Variants in ANKEF1 observed in about 807,000 individuals in gnomAD.
The protein encoded by ANKEF1 is ankyrin repeat and EF-hand domain containing 1, also known as ankyrin repeat and EF-hand domain-containing protein 1.
In ANKEF1, 43 loss-of-function variants were observed where a neutral mutation model predicts 65.1. That is an observed-to-expected ratio of 0.66 (90% CI 0.52 to 0.85). The LOEUF (loss-of-function observed/expected upper bound fraction) is 0.85. Ranked by LOEUF, ANKEF1 falls within the 40% of genes least tolerant of loss-of-function variation. ANKEF1 has a pLI of 0.00. For synonymous variants in ANKEF1, 316 were observed against 341.5 expected, an observed-to-expected ratio of 0.93 and a Z score of 0.82; for missense variants, 934 against 952.9, an observed-to-expected ratio of 0.98 and a Z score of 0.26.
Position 10,049,574 on chromosome 20 carries a change from A to G in ANKEF1, c.1005A>G (p.Glu335=). 1 of 1,614,124 alleles carries G rather than the reference A, an allele frequency of 6.2e-7. No homozygotes were observed. The highest frequency in any genetic ancestry group is 8.5e-7 in the Non-Finnish European group (1 of 1,180,012). Residue 335 remains glutamate, a synonymous_variant, in exon 7 of 11, where the codon GAA becomes GAG. Transcript: ENST00000378392. The stretch of plus-strand genomic sequence containing the variant: ...TTAGACTGCACGATTGGTCCGTAGA[A>G]CGTGAGGCTTTCCTCCGGGAAGCCT... ...WALRLHDWSV[E]REAFLREAFA...
Position 10,038,292 on chromosome 20 carries a change from C to T in ANKEF1, c.-10C>T. 1 of 1,439,220 alleles carries T rather than the reference C, an allele frequency of 6.9e-7. No homozygotes were observed. The highest frequency in any genetic ancestry group is 9.2e-7 in the Non-Finnish European group (1 of 1,086,168). 89.2% of individuals were successfully genotyped at this position (1,439,220 alleles called of 1,614,324 possible). ...TGGTCCAGAAAGCATTTTCAAGGAG[C>T]TGGTCAAGCATGGCTTTAGCAGATA... On this transcript the variant is annotated 5_prime_UTR_variant, in exon 3 of 11. Coordinates refer to ENST00000378392, the MANE Select transcript of ANKEF1 (RefSeq NM_022096.6).
intron 2 of ANKEF1, among the ~76,000 whole-genome samples, chr20:10,037,308 ACTCT>A (rs1317832905): frequency 6.6e-6 from 1 of 151,910 alleles, no homozygotes; most frequent in Non-Finnish European, 1.5e-5. Flanking sequence ...CCAAGCATGG[ACTCT>A]CTCTGTGGCA....
chr20:10,043,752 A>G (rs1048331930), intron 4 of ANKEF1, among the ~76,000 whole-genome samples: 2 of 140,210 alleles, frequency 1.4e-5, no homozygotes, highest in Admixed American at 1.6e-4. Context: ...TCTGCCTCTC[A>G]GGTTCAAGCA....
At chr20:10,054,708 T>C in intron 10 of ANKEF1, 109 bp downstream of exon 10, 1 of 1,151,262 alleles carries the variant, frequency 8.7e-7, no homozygotes. Flanking sequence ...TTGTCTTTCA[T>C]AGTTACTACT....
chr20:10,050,361 CAATT>C (rs1489118707), intron 7 of ANKEF1, 149 bp downstream of exon 7: 11 of 589,148 alleles, frequency 1.9e-5, no homozygotes, highest in East Asian at 8.8e-5. Flanking sequence ...CTTTTATTAA[CAATT>C]AACTTATAGG....
intron 3 of ANKEF1, among the ~76,000 whole-genome samples, chr20:10,039,856 T>A (rs1011402252): frequency 6.6e-6 from 1 of 152,244 alleles, no homozygotes; most frequent in East Asian, 1.9e-4. Context: ...TAATTTTTTT[T>A]AATGACATCT....
At chr20:10,052,532 ACCAT>A (rs1360385098) in intron 8 of ANKEF1, among the ~76,000 whole-genome samples, 1 of 152,202 alleles carries the variant, frequency 6.6e-6, no homozygotes, top group Non-Finnish European at 1.5e-5. Flanking sequence ...GTTTGGAAGT[ACCAT>A]TTTCCTACAT....
chr20:10,041,188 A>G (rs1247294481), intron 3 of ANKEF1, among the ~76,000 whole-genome samples: 1 of 151,880 alleles, frequency 6.6e-6, no homozygotes, highest in Non-Finnish European at 1.5e-5. Flanking sequence ...AAGTATTGTC[A>G]TATATGGTCC....
At chr20:10,054,903 C>CT (rs1985059419) in intron 10 of ANKEF1, among the ~76,000 whole-genome samples, 2 of 152,038 alleles carry the variant, frequency 1.3e-5, no homozygotes, top group East Asian at 1.9e-4. Flanking sequence ...CCTAAGGATA[C>CT]TTTTTTTTGG....
chr20:10,037,027 G>A (rs1214051317), intron 2 of ANKEF1, among the ~76,000 whole-genome samples: 1 of 152,124 alleles, frequency 6.6e-6, no homozygotes, highest in Non-Finnish European at 1.5e-5. Flanking sequence ...GTGGTGCCTA[G>A]AGAGACACAT....
At position 10,038,483 on chromosome 20, in the gene ANKEF1, T is replaced by G; in HGVS notation, c.182T>G (p.Ile61Ser). 7 of 1,614,220 alleles carry G rather than the reference T, an allele frequency of 4.3e-6. No homozygotes were observed. Among genetic ancestry groups the G allele is most frequent in the Non-Finnish European group, 5.9e-6 (7 of 1,180,042 alleles). ...CACTTAGCCTCAGTTTCCAATGATA[T>G]TGATATGGTCAGCTTTCTCCTTGAC... Reference protein sequence around the residue: ...ALHLASVSNDIDMVSFLLDLG... With the variant: ...ALHLASVSNDSDMVSFLLDLG... The change falls in exon 3 of 11, where the codon ATT becomes AGT. Residue 61 changes from isoleucine to serine, a missense_variant. Physicochemically the swap from Ile to Ser is moderately radical, Grantham distance 142 (BLOSUM62 -2). Coordinates refer to ENST00000378392, the MANE Select transcript of ANKEF1 (RefSeq NM_022096.6).
chr20:10,047,597 T>C (rs117138633), intron 6 of ANKEF1, among the ~76,000 whole-genome samples: 288 of 152,304 alleles, frequency 1.9e-3, no homozygotes, highest in Middle Eastern at 6.8e-3. Flanking sequence ...GCTGGAGCAA[T>C]TGGCAACTCC....
At position 10,058,006 on chromosome 20, in the gene ANKEF1, G is replaced by A. The variant is rs1338491836; in HGVS notation, c.*2346G>A. 7.2e-5 allele frequency: 11 copies of A among 152,234 alleles called. No homozygotes were observed. Among genetic ancestry groups the A allele is most frequent in the Admixed American group, 3.9e-4 (6 of 15,278 alleles). The allele number at this position is 152,234 out of a possible 1,614,324, so 9.4% of individuals were successfully genotyped here. Reference sequence around the variant, plus strand: ...TAAATGTCTTCAAGAATAGATTCAGGTGATGCTTTTGGGGCAGCAGTGCTA... The same window carrying A: ...TAAATGTCTTCAAGAATAGATTCAGATGATGCTTTTGGGGCAGCAGTGCTA... On this transcript the variant is annotated 3_prime_UTR_variant, in exon 11 of 11. Transcript: ENST00000378392.
intron 5 of ANKEF1, 75 bp from the exon 6 acceptor site, chr20:10,045,499 C>G: frequency 1.1e-5 from 16 of 1,472,970 alleles, no homozygotes; most frequent in Non-Finnish European, 1.3e-5. Flanking sequence ...CTGGATAGTG[C>G]CGGTCTAGCT....
In ANKEF1 at chr20:10,045,698, G is replaced by A. The variant is rs1386090547; in HGVS notation, c.820+1G>A. 1.2e-6 allele frequency: 2 copies of A among 1,613,082 alleles called. No homozygotes were observed. The highest frequency in any genetic ancestry group is 2.7e-5 in the African/African-American group (2 of 74,896). ...TGCTGTAAATATATAGCTCAGCGAG[G>A]TAAAATTGTCTAGCAATTTTGTGCT... On this transcript the variant is annotated splice_donor_variant, in intron 6 of 10. Coordinates refer to ENST00000378392, the MANE Select transcript of ANKEF1 (RefSeq NM_022096.6). LOFTEE classifies it high-confidence loss of function.
At chr20:10,045,784 C>T in intron 6 of ANKEF1, 87 bp downstream of exon 6, 2 of 1,405,312 alleles carry the variant, frequency 1.4e-6, no homozygotes, top group South Asian at 2.6e-5. Context: ...TATCACTTGT[C>T]AGTGGCTTAT....
chr20:10,036,438 TA>T (rs1983863665), intron 2 of ANKEF1, among the ~76,000 whole-genome samples: 1 of 151,790 alleles, frequency 6.6e-6, no homozygotes, highest in South Asian at 2.1e-4. Context: ...AAACAAGCCA[TA>T]AATAGCAGCT....
chr20:10,036,696 G>T (rs1983878521), intron 2 of ANKEF1, among the ~76,000 whole-genome samples: 1 of 152,148 alleles, frequency 6.6e-6, no homozygotes, highest in Non-Finnish European at 1.5e-5. Flanking sequence ...ACAAAAATTA[G>T]CCAGGTGTGG....
intron 6 of ANKEF1, 140 bp from the exon 7 acceptor site, chr20:10,049,250 T>A: frequency 1.3e-6 from 1 of 776,500 alleles, no homozygotes; most frequent in South Asian, 2.2e-5. Flanking sequence ...CAGCAAAATG[T>A]GCACATCTCT....
Sources: allele counts gnomAD v4.1 joint callset (sites outside exome capture counted in the v4.1 genomes callset), GRCh38; gene constraint gnomAD v4.1.1; transcripts MANE v1.5; gene names NCBI Gene and HGNC (gene_info 2026-07-23, HGNC 2026-07-21).